The following USP12 variants were observed in gnomAD, a reference collection of about 807,000 sequenced individuals.
USP12 encodes the protein ubiquitin carboxyl-terminal hydrolase 12.
Under a neutral mutation model 45.5 loss-of-function variants are expected in USP12, and 19 were observed. That is an observed-to-expected ratio of 0.42 (90% CI 0.29 to 0.61). The LOEUF (loss-of-function observed/expected upper bound fraction) is 0.61. Among genes scored for constraint, USP12 ranks in the 20% least tolerant of loss-of-function variants. The pLI, the probability that USP12 is intolerant of heterozygous loss-of-function variation, is 0.22. For synonymous variants in USP12, 149 were observed against 148.8 expected, an observed-to-expected ratio of 1.00 and a Z score of -0.01; for missense variants, 242 against 447.7, an observed-to-expected ratio of 0.54 and a Z score of 4.15.
intron 7 of USP12, 131 bp from the exon 8 acceptor site, chr13:27,071,280 C>A: frequency 1.4e-6 from 1 of 697,074 alleles, no homozygotes; most frequent in Non-Finnish European, 2.3e-6. Context: ...TTTTTATACC[C>A]CTTACCTATT....
chr13:27,153,721 A>AAAAGTAAGAACCACTCATACCT (rs576403589), intron 1 of USP12, among the ~76,000 whole-genome samples: 128 of 152,310 alleles, frequency 8.4e-4, no homozygotes, highest in African/African-American at 2.9e-3. Flanking sequence ...TATCTTCCTT[A>AAAAGTAAGAACCACTCATACCT]AAAGTAAGAA....
At chr13:27,142,348 G>T (rs1877103321) in intron 1 of USP12, among the ~76,000 whole-genome samples, 1 of 152,166 alleles carries the variant, frequency 6.6e-6, no homozygotes, top group Admixed American at 6.5e-5. Context: ...ATGATGAAAA[G>T]ACACTAAAAA....
intron 4 of USP12, among the ~76,000 whole-genome samples, chr13:27,094,151 C>T (rs1359683738): frequency 6.6e-6 from 1 of 150,646 alleles, no homozygotes; most frequent in East Asian, 2.0e-4. Flanking sequence ...TTTGTGTCTC[C>T]CCACAGACTG....
At chr13:27,153,014 A>C (rs1358767377) in intron 1 of USP12, among the ~76,000 whole-genome samples, 1 of 150,776 alleles carries the variant, frequency 6.6e-6, no homozygotes, top group Non-Finnish European at 1.5e-5. Flanking sequence ...TTTTTTGATT[A>C]ATTGTTTACA....
chr13:27,140,181 G>A (rs1876994011), intron 1 of USP12, among the ~76,000 whole-genome samples: 1 of 151,986 alleles, frequency 6.6e-6, no homozygotes, highest in Non-Finnish European at 1.5e-5. Context: ...TAAACAAAAA[G>A]ACATAAAACT....
chr13:27,154,101 G>GA (rs1877707049), intron 1 of USP12, among the ~76,000 whole-genome samples: 1 of 152,184 alleles, frequency 6.6e-6, no homozygotes, highest in African/African-American at 2.4e-5. Context: ...GAAAATGTGA[G>GA]AGTTGCCCTT....
chr13:27,171,695 G>T lies in USP12; in HGVS notation c.-56C>A. 1.7e-6 allele frequency: 2 copies of T among 1,150,496 alleles called. No individual in the cohort carries two copies. Among genetic ancestry groups the T allele is most frequent in the South Asian group, 3.5e-5 (2 of 57,756 alleles). 71.3% of individuals were successfully genotyped at this position (1,150,496 alleles called of 1,614,324 possible). On this transcript the variant is annotated 5_prime_UTR_variant, in exon 1 of 9. Transcript: ENST00000282344. ...GCGGCGGCGGCGGGCGGGGGAGGAG[G>T]GGAGCCGGGCCGCCCGCTCGCACCG...
intron 1 of USP12, among the ~76,000 whole-genome samples, chr13:27,119,510 C>T (rs923938354): frequency 3.9e-5 from 6 of 152,170 alleles, no homozygotes; most frequent in Non-Finnish European, 5.9e-5. Flanking sequence ...TCAAAACTCC[C>T]AGTTCCAAAT....
At chr13:27,159,028 T>C (rs574260240) in intron 1 of USP12, among the ~76,000 whole-genome samples, 4 of 152,370 alleles carry the variant, frequency 2.6e-5, no homozygotes, top group African/African-American at 7.2e-5. Flanking sequence ...CAACTCTTTC[T>C]AGCAATTACT....
intron 1 of USP12, among the ~76,000 whole-genome samples, chr13:27,147,992 G>C (rs1431755141): frequency 2.0e-5 from 3 of 152,088 alleles, no homozygotes; most frequent in Admixed American, 2.0e-4. Context: ...GCCAGGCGTG[G>C]TGGTGTGCAC....
At chr13:27,101,028 A>T (rs1020051648) in intron 3 of USP12, among the ~76,000 whole-genome samples, 1 of 152,232 alleles carries the variant, frequency 6.6e-6, no homozygotes, top group African/African-American at 2.4e-5. Flanking sequence ...GCTTTTTAAA[A>T]ATGTACATCT....
chr13:27,161,727 G>GA (rs1373680006), intron 1 of USP12, among the ~76,000 whole-genome samples: 1 of 151,450 alleles, frequency 6.6e-6, no homozygotes, highest in African/African-American at 2.4e-5. Context: ...TAATTAAAAA[G>GA]AAAAAATAGC....
intron 3 of USP12, 121 bp downstream of exon 3, chr13:27,105,610 T>C (rs1875096423): frequency 1.1e-6 from 1 of 939,434 alleles, no homozygotes. Flanking sequence ...GTGTCATCCT[T>C]GTTTCTTCAA....
chr13:27,121,205 G>C lies in USP12; in HGVS notation c.49-4609C>G, dbSNP rs1261588110. Among the ~76,000 whole-genome samples, 5 of 151,838 alleles carry C rather than the reference G, an allele frequency of 3.3e-5. No individual in the cohort carries two copies. In the South Asian group the frequency reaches 1.0e-3, roughly 32 times the overall value. The stretch of plus-strand genomic sequence containing the variant: ...CTTGACTTGTCCTTGGCACTTAGGA[G>C]TAGAGACAGGGAGAAAGGAGAAACA... On this transcript the variant is annotated intron_variant, in intron 1 of 8. Coordinates refer to ENST00000282344, the MANE Select transcript of USP12 (RefSeq NM_182488.4).
At position 27,068,108 on chromosome 13, in the gene USP12, G is replaced by A. The variant is rs1309861578; in HGVS notation, c.*1175C>T. On this transcript the variant is annotated 3_prime_UTR_variant, in exon 9 of 9. Coordinates refer to ENST00000282344, the MANE Select transcript of USP12 (RefSeq NM_182488.4). ...GTTTGTTTAGCTCACTATCCAGGCT[G>A]CTAGGGTTATGATGAACATTATGAC... 6.6e-6 allele frequency: 1 copy of A among 152,324 alleles called. No homozygotes were observed. The highest frequency in any genetic ancestry group is 1.5e-5 in the Non-Finnish European group (1 of 68,022). The allele number at this position is 152,324 out of a possible 1,614,324, so 9.4% of individuals were successfully genotyped here.
intron 4 of USP12, among the ~76,000 whole-genome samples, chr13:27,090,568 T>G (rs1431188287): frequency 6.6e-6 from 1 of 152,082 alleles, no homozygotes; most frequent in Non-Finnish European, 1.5e-5. Flanking sequence ...TAGCCCAAAA[T>G]GTTAAATTAC....
At position 27,116,647 on chromosome 13, in the gene USP12, A is replaced by G. The variant is rs767151163; in HGVS notation, c.49-51T>C. On this transcript the variant is annotated intron_variant, in intron 1 of 8. Transcript: ENST00000282344. ...AGTATTTATAGTAGTCATGCACCAC[A>G]TAATGACACTTCAGTCAATGACAGG... The G allele has an allele frequency of 5.8e-6, 9 of 1,556,610 alleles. No individual in the cohort carries two copies. The African/African-American group carries it at 8.2e-5, about 14-fold the overall frequency.
intron 3 of USP12, among the ~76,000 whole-genome samples, chr13:27,103,050 A>C (rs895780030): frequency 6.6e-6 from 1 of 152,234 alleles, no homozygotes; most frequent in Non-Finnish European, 1.5e-5. Flanking sequence ...AGAAATTAAA[A>C]TCAGTTCTTT....
At chr13:27,116,101 A>C (rs1875720255) in intron 2 of USP12, among the ~76,000 whole-genome samples, 1 of 152,062 alleles carries the variant, frequency 6.6e-6, no homozygotes, top group African/African-American at 2.4e-5. Flanking sequence ...TCATGAGGTC[A>C]GGAGATCGAG....
Sources: allele counts gnomAD v4.1 joint callset (sites outside exome capture counted in the v4.1 genomes callset), GRCh38; gene constraint gnomAD v4.1.1; transcripts MANE v1.5; gene names NCBI Gene and HGNC (gene_info 2026-07-23, HGNC 2026-07-21).